Variants in KIF1B observed in about 807,000 individuals in gnomAD.
KIF1B encodes the protein kinesin-like protein KIF1B.
A neutral mutation model predicts 241.9 loss-of-function variants in KIF1B; 76 were observed. The observed-to-expected ratio is 0.31, with a 90% CI of 0.26 to 0.38. The LOEUF (loss-of-function observed/expected upper bound fraction) is 0.38. Among genes scored for constraint, KIF1B ranks in the 10% least tolerant of loss-of-function variants. The pLI is 1.00. For synonymous variants in KIF1B, 750 were observed against 796.7 expected (o/e 0.94, Z 0.99); for missense variants, 1,622 against 2,271.4 (o/e 0.71, Z 5.81).
intron 11 of KIF1B, among the ~76,000 whole-genome samples, chr1:10,275,733 A>G (rs1428653519): frequency 6.6e-6 from 1 of 152,114 alleles, no homozygotes; most frequent in African/African-American, 2.4e-5. Flanking sequence ...TGAACTGTGC[A>G]GTAGTTGTCC....
intron 14 of KIF1B, among the ~76,000 whole-genome samples, chr1:10,280,454 T>G (rs1339929731): frequency 6.6e-6 from 1 of 152,090 alleles, no homozygotes; most frequent in African/African-American, 2.4e-5. Context: ...CAGGATGGTC[T>G]CAATCTCTTG....
chr1:10,290,877 C>T (rs1649962969), intron 15 of KIF1B, among the ~76,000 whole-genome samples: 1 of 151,468 alleles, frequency 6.6e-6, no homozygotes, highest in Admixed American at 6.6e-5. Flanking sequence ...AAAAAAAAGA[C>T]TTGGAGGATT....
At chr1:10,332,241 T>A (rs1651971776) in intron 27 of KIF1B, among the ~76,000 whole-genome samples, 1 of 151,630 alleles carries the variant, frequency 6.6e-6, no homozygotes, top group Admixed American at 6.6e-5. Context: ...AAATTTTGTA[T>A]TTTTAGTAGA....
At chr1:10,257,290 G>A (rs1251332736) in intron 3 of KIF1B, among the ~76,000 whole-genome samples, 6 of 125,646 alleles carry the variant, frequency 4.8e-5, no homozygotes, top group Admixed American at 9.4e-5. Context: ...AGATGATACC[G>A]TGCCTCTACT....
At chr1:10,218,236 G>A (rs1236267010) in intron 1 of KIF1B, among the ~76,000 whole-genome samples, 1 of 152,030 alleles carries the variant, frequency 6.6e-6, no homozygotes, top group African/African-American at 2.4e-5. Context: ...GTGGTTTCCA[G>A]CCTTTATTGC....
intron 1 of KIF1B, chr1:10,227,902 C>T (rs887748035): frequency 6.5e-6 from 1 of 154,462 alleles, no homozygotes; most frequent in African/African-American, 2.4e-5. Context: ...AACTTACCCT[C>T]AGCCGGGTGC....
chr1:10,231,967 C>T (rs1033702898), intron 1 of KIF1B, among the ~76,000 whole-genome samples: 10 of 151,898 alleles, frequency 6.6e-5, no homozygotes, highest in African/African-American at 1.9e-4. Context: ...TAAGATTTGT[C>T]GGGGAGGCCA....
intron 22 of KIF1B, chr1:10,308,621 G>C (rs1392390388): frequency 9.9e-7 from 1 of 1,012,234 alleles, no homozygotes; most frequent in African/African-American, 1.7e-5. Flanking sequence ...CTCTATGTGG[G>C]AAGAGGGAAA....
intron 2 of KIF1B, among the ~76,000 whole-genome samples, chr1:10,245,710 C>T (rs747493945): frequency 1.2e-4 from 18 of 152,112 alleles, no homozygotes; most frequent in Non-Finnish European, 1.9e-4. Flanking sequence ...GAGGCAAGGC[C>T]TGGAGGTGAG....
chr1:10,213,862 T>A (rs1173144645), intron 1 of KIF1B, among the ~76,000 whole-genome samples: 2 of 151,988 alleles, frequency 1.3e-5, no homozygotes, highest in Non-Finnish European at 2.9e-5. Flanking sequence ...TTGGGCCGGA[T>A]GCAGTGGCTC....
At chr1:10,306,578 T>G (rs1650836837) in intron 22 of KIF1B, 1 of 481,648 alleles carries the variant, frequency 2.1e-6, no homozygotes, top group Non-Finnish European at 2.9e-6. Flanking sequence ...TGGGTGTAAG[T>G]TTGGCATCAA....
At chr1:10,252,034 A>ATATT (rs1019271649) in intron 2 of KIF1B, among the ~76,000 whole-genome samples, 6 of 151,692 alleles carry the variant, frequency 4.0e-5, no homozygotes, top group African/African-American at 7.3e-5. Context: ...TCCCACTTTT[A>ATATT]TATTTATTTA....
At chr1:10,351,688 A>G (rs1157541658) in intron 37 of KIF1B, among the ~76,000 whole-genome samples, 2 of 152,154 alleles carry the variant, frequency 1.3e-5, no homozygotes, top group Non-Finnish European at 1.5e-5. Flanking sequence ...CAGCATGGCC[A>G]GGTATGGTGG....
At chr1:10,319,016 C>G (rs1490984577) in intron 22 of KIF1B, among the ~76,000 whole-genome samples, 1 of 151,882 alleles carries the variant, frequency 6.6e-6, no homozygotes, top group East Asian at 1.9e-4. Flanking sequence ...CATTTTTTGG[C>G]CCCTTTGGGG....
At position 10,267,434 on chromosome 1, in the gene KIF1B, A is replaced by G; in HGVS notation, c.484A>G (p.Asn162Asp). Residue 162 changes from asparagine to aspartate, a missense_variant, in exon 6 of 49, where the codon AAC becomes GAC. By Grantham distance (23) the Asn-to-Asp change is conservative (BLOSUM62 1). Around this residue, in one of 7 missense-constraint regions of KIF1B, gnomAD observed 156 missense variants for 244.8 expected, o/e 0.64. Coordinates refer to ENST00000676179, the MANE Select transcript of KIF1B (RefSeq NM_001365951.3). The part of the protein sequence containing the change: ...ERVRDLLNPK[N>D]KGNLRVREHP... ...AGTACGAGATTTGCTGAATCCAAAA[A>G]ACAAGGGTAATTTGCGTGTGCGTGA... is the stretch of plus-strand genomic sequence containing the variant. 6.2e-7 allele frequency: 1 copy of G among 1,614,200 alleles called. No individual in the cohort carries two copies. The highest frequency in any genetic ancestry group is 2.2e-5 in the East Asian group (1 of 44,882).
chr1:10,348,778 G>GT, intron 37 of KIF1B, 45 bp downstream of exon 37: 2 of 1,456,730 alleles, frequency 1.4e-6, no homozygotes, highest in Non-Finnish European at 1.9e-6. Flanking sequence ...GACTTACAGA[G>GT]ATTTTTTTTT....
At chr1:10,293,086 C>CTTTTTTTTTTTTT (rs33954582) in intron 17 of KIF1B, among the ~76,000 whole-genome samples, 1 of 144,990 alleles carries the variant, frequency 6.9e-6, no homozygotes, top group Non-Finnish European at 1.5e-5. Context: ...GGCCACATAA[C>CTTTTTTTTTTTTT]TTTTTTTTTT....
chr1:10,284,605 A>G (rs1649596272), intron 15 of KIF1B, among the ~76,000 whole-genome samples: 1 of 152,146 alleles, frequency 6.6e-6, no homozygotes, highest in Admixed American at 6.5e-5. Flanking sequence ...GAATCACTTG[A>G]ACTTGGGAGG....
chr1:10,354,090 A>G (rs1172148560), intron 38 of KIF1B, among the ~76,000 whole-genome samples: 1 of 152,156 alleles, frequency 6.6e-6, no homozygotes, highest in Non-Finnish European at 1.5e-5. Context: ...AAGTCCTTTA[A>G]TTCACGCCCA....
Sources: gnomAD v4.1 joint callset for allele counts (sites outside exome capture counted in the v4.1 genomes callset) on GRCh38, gnomAD v4.1.1 for gene constraint, gnomAD v4.1.1 regional missense constraint, MANE v1.5 for transcripts, NCBI Gene and HGNC (gene_info 2026-07-23, HGNC 2026-07-21) for gene names.